Variants in OR5M11 observed in about 807,000 individuals in gnomAD.
OR5M11 encodes the protein olfactory receptor 5M11.
For missense variants in OR5M11, 411 were observed against 375.8 expected (o/e 1.09, Z -0.77); for synonymous variants, 183 against 147.7 (o/e 1.24, Z -1.73).
In OR5M11 at chr11:56,542,728, T is replaced by C; in HGVS notation, c.530A>G (p.Tyr177Cys). 1 of 1,613,624 alleles carries C rather than the reference T, an allele frequency of 6.2e-7. No individual in the cohort carries two copies. Among genetic ancestry groups the C allele is most frequent in the Non-Finnish European group, 8.5e-7 (1 of 1,179,812 alleles). Residue 177 changes from tyrosine (Y) to cysteine (C), a missense_variant, in exon 1 of 1, where the codon TAC becomes TGC. Physicochemically the swap from Tyr to Cys is radical, Grantham distance 194. Coordinates refer to ENST00000528616, the MANE Select transcript of OR5M11 (RefSeq NM_001005245.1). ...FCRSSVINHF[Y>C]CADPPLIKLS... ...CTTAATGAGCGGCGGGTCAGCACAG[T>C]AGAAGTGGTTGATGACACTGGATCT...
rs1223639135 is a variant in OR5M11 at position 56,542,627 on chromosome 11, T to C, written c.631A>G (p.Thr211Ala). 6.2e-7 allele frequency: 1 copy of C among 1,613,598 alleles called. No individual in the cohort carries two copies. Among genetic ancestry groups the C allele is most frequent in the Admixed American group, 1.7e-5 (1 of 59,956 alleles). ...SAGFNLSSSL[T>A]IVLVSYAFIL... ...AAGGCATAGGACACCAAGACGATGG[T>C]GAGGGAGCTGGAGAGGTTGAAGCCA... The change falls in exon 1 of 1, where the codon ACC becomes GCC. Residue 211 changes from threonine to alanine, a missense_variant. Thr to Ala is a moderately conservative substitution (Grantham distance 58, BLOSUM62 0). Coordinates refer to ENST00000528616, the MANE Select transcript of OR5M11 (RefSeq NM_001005245.1).
Position 56,542,634 on chromosome 11 carries a change from G to A in OR5M11, c.624C>T (p.Ser208=), listed in dbSNP as rs777130621. The A allele has an allele frequency of 1.4e-5, 22 of 1,613,870 alleles. No individual in the cohort carries two copies. Among genetic ancestry groups the A allele is most frequent in the South Asian group, 3.3e-5 (3 of 91,086 alleles). The part of the protein sequence containing the change: ...MFISAGFNLS[S]SLTIVLVSYA... ...AGGACACCAAGACGATGGTGAGGGA[G>A]CTGGAGAGGTTGAAGCCAGCAGATA... Residue 208 remains serine (S), a synonymous_variant, in exon 1 of 1, where the codon AGC becomes AGT. Coordinates refer to ENST00000528616, the MANE Select transcript of OR5M11 (RefSeq NM_001005245.1).
chr11:56,542,626 G>T lies in OR5M11; in HGVS notation c.632C>A (p.Thr211Asn), dbSNP rs765548883. The change falls in exon 1 of 1, where the codon ACC (threonine) becomes AAC (asparagine). Residue 211 changes from threonine to asparagine, a missense_variant. Physicochemically the swap from Thr to Asn is moderately conservative, Grantham distance 65. Transcript: ENST00000528616. Reference sequence around the variant, plus strand: ...GAAGGCATAGGACACCAAGACGATGGTGAGGGAGCTGGAGAGGTTGAAGCC... The same window carrying T: ...GAAGGCATAGGACACCAAGACGATGTTGAGGGAGCTGGAGAGGTTGAAGCC... ...SAGFNLSSSL[T>N]IVLVSYAFIL... 1.9e-6 allele frequency: 3 copies of T among 1,613,908 alleles called. No homozygotes were observed. Among genetic ancestry groups the T allele is most frequent in the Non-Finnish European group, 2.5e-6 (3 of 1,179,904 alleles).
In OR5M11 at chr11:56,542,671, T is replaced by C. The variant is rs1349966977; in HGVS notation, c.587A>G (p.His196Arg). The C allele has an allele frequency of 1.2e-6, 2 of 1,613,800 alleles. No individual in the cohort carries two copies. Among genetic ancestry groups the C allele is most frequent in the African/African-American group, 2.7e-5 (2 of 74,896 alleles). The change falls in exon 1 of 1, where the codon CAT becomes CGT. Residue 196 changes from histidine to arginine, a missense_variant. By Grantham distance (29) the His-to-Arg change is conservative. Coordinates refer to ENST00000528616, the MANE Select transcript of OR5M11 (RefSeq NM_001005245.1). ...GAAGCCAGCAGATATGAACATGGCA[T>C]GCTCTTTGACATAAGTATCAGAACA... Reference protein sequence around the residue: ...LSCSDTYVKEHAMFISAGFNL... With the variant: ...LSCSDTYVKERAMFISAGFNL...
In OR5M11 at chr11:56,542,691, A is replaced by T. The variant is rs1269427630; in HGVS notation, c.567T>A (p.Ser189=). 1 of 1,613,972 alleles carries T rather than the reference A, an allele frequency of 6.2e-7. No individual in the cohort carries two copies. The highest frequency in any genetic ancestry group is 8.5e-7 in the Non-Finnish European group (1 of 1,179,872). ...TGGCATGCTCTTTGACATAAGTATC[A>T]GAACAAGAAAGCTTAATGAGCGGCG... is the stretch of plus-strand genomic sequence containing the variant. ...ADPPLIKLSC[S]DTYVKEHAMF... is the part of the protein sequence containing the mutation. The change falls in exon 1 of 1, where the codon TCT becomes TCA. Residue 189 remains serine, a synonymous_variant. Coordinates refer to ENST00000528616, the MANE Select transcript of OR5M11 (RefSeq NM_001005245.1).
rs760247316 is a variant in OR5M11, at chr11:56,542,409, T to C, written c.849A>G (p.Val283=). The C allele has an allele frequency of 6.2e-7, 1 of 1,613,506 alleles. No individual in the cohort carries two copies. Among genetic ancestry groups the C allele is most frequent in the South Asian group, 1.1e-5 (1 of 91,040 alleles). The change falls in exon 1 of 1, where the codon GTA becomes GTG. Residue 283 remains valine, a synonymous_variant. Transcript: ENST00000528616. Reference sequence around the variant, plus strand: ...TCAGACTGTAGATCAATGGATTAAGTACCGGACTCACAAAGGTGTAAAAGA... The same window carrying C: ...TCAGACTGTAGATCAATGGATTAAGCACCGGACTCACAAAGGTGTAAAAGA... ...IAVFYTFVSP[V]LNPLIYSLRN... is the part of the protein sequence containing the mutation.
chr11:56,542,491 C>G lies in OR5M11; in HGVS notation c.767G>C (p.Cys256Ser). Residue 256 changes from cysteine to serine, a missense_variant, in exon 1 of 1, where the codon TGC (cysteine) becomes TCC (serine). Cys to Ser is a moderately radical substitution (Grantham distance 112). Transcript: ENST00000528616. The part of the protein sequence containing the change: ...AVTLFYGTLF[C>S]MYIRPPTDKT... Reference sequence around the variant, plus strand: ...ATCTGTTGGTGGTCTTATATACATGCAAAAGAGAGTCCCATAAAACAGGGT... The same window carrying G: ...ATCTGTTGGTGGTCTTATATACATGGAAAAGAGAGTCCCATAAAACAGGGT... The G allele has an allele frequency of 1.9e-6, 3 of 1,613,884 alleles. No homozygotes were observed. The highest frequency in any genetic ancestry group is 2.5e-6 in the Non-Finnish European group (3 of 1,179,876).
Position 56,542,527 on chromosome 11 carries a change from A to G in OR5M11, c.731T>C (p.Met244Thr), listed in dbSNP as rs1361177297. 6.2e-7 allele frequency: 1 copy of G among 1,614,028 alleles called. No homozygotes were observed. The highest frequency in any genetic ancestry group is 1.3e-5 in the African/African-American group (1 of 75,056). The change falls in exon 1 of 1, where the codon ATG (methionine) becomes ACG (threonine). Residue 244 changes from methionine (M) to threonine (T), a missense_variant. Coordinates refer to ENST00000528616, the MANE Select transcript of OR5M11 (RefSeq NM_001005245.1). ...HKAFSTCGSH[M>T]MAVTLFYGTL... ...CCCATAAAACAGGGTGACAGCCATC[A>G]TATGGGAACCACAGGTGGAGAATGC...
At position 56,542,520 on chromosome 11, in the gene OR5M11, A is replaced by T; in HGVS notation, c.738T>A (p.Ala246=). The change falls in exon 1 of 1, where the codon GCT becomes GCA. Residue 246 remains alanine, a synonymous_variant. Coordinates refer to ENST00000528616, the MANE Select transcript of OR5M11 (RefSeq NM_001005245.1). ...AGAGAGTCCCATAAAACAGGGTGAC[A>T]GCCATCATATGGGAACCACAGGTGG... ...AFSTCGSHMM[A]VTLFYGTLFC... The T allele has an allele frequency of 6.2e-7, 1 of 1,614,004 alleles. No homozygotes were observed. The highest frequency in any genetic ancestry group is 8.5e-7 in the Non-Finnish European group (1 of 1,179,870).
In OR5M11 at chr11:56,542,893, T is replaced by A; in HGVS notation, c.365A>T (p.Tyr122Phe). 2 of 1,613,888 alleles carry A rather than the reference T, an allele frequency of 1.2e-6. No homozygotes were observed. Among genetic ancestry groups the A allele is most frequent in the Non-Finnish European group, 1.7e-6 (2 of 1,179,876 alleles). Residue 122 changes from tyrosine (Y) to phenylalanine (F), a missense_variant, in exon 1 of 1, where the codon TAT becomes TTT. By Grantham distance (22) the Tyr-to-Phe change is conservative. Transcript: ENST00000528616. Reference protein sequence around the residue: ...YMLAAMAYDRYVAIYDPLRYS... With the variant: ...YMLAAMAYDRFVAIYDPLRYS... ...GCGCAGAGGGTCATATATGGCCACA[T>A]AGCGGTCATAGGCCATTGCTGCCAG...
rs563195002 is a variant in OR5M11, at chr11:56,542,594, C to A, written c.664G>T (p.Ala222Ser). ...GCTGATTTGATCCGGAGGATGGCAG[C>A]AAGAATGAAGGCATAGGACACCAAG... Reference protein sequence around the residue: ...IVLVSYAFILAAILRIKSAEG... With the variant: ...IVLVSYAFILSAILRIKSAEG... Residue 222 changes from alanine (A) to serine (S), a missense_variant, in exon 1 of 1, where the codon GCT (alanine) becomes TCT (serine). Ala to Ser is a moderately conservative substitution (Grantham distance 99). Transcript: ENST00000528616. The A allele has an allele frequency of 6.2e-7, 1 of 1,613,932 alleles. No individual in the cohort carries two copies. The highest frequency in any genetic ancestry group is 1.3e-5 in the African/African-American group (1 of 75,010).
In OR5M11 at chr11:56,542,646, G is replaced by T; in HGVS notation, c.612C>A (p.Phe204Leu). The T allele has an allele frequency of 1.2e-6, 2 of 1,613,954 alleles. No individual in the cohort carries two copies. The highest frequency in any genetic ancestry group is 1.7e-5 in the Admixed American group (1 of 60,008). ...KEHAMFISAG[F>L]NLSSSLTIVL... is the part of the protein sequence containing the mutation. ...CGATGGTGAGGGAGCTGGAGAGGTTGAAGCCAGCAGATATGAACATGGCAT... is the reference window on the plus strand; with the variant it reads ...CGATGGTGAGGGAGCTGGAGAGGTTTAAGCCAGCAGATATGAACATGGCAT... Residue 204 changes from phenylalanine to leucine, a missense_variant, in exon 1 of 1, where the codon TTC becomes TTA. Coordinates refer to ENST00000528616, the MANE Select transcript of OR5M11 (RefSeq NM_001005245.1).
rs780554641 is a variant in OR5M11 at position 56,543,120 on chromosome 11, T to A, written c.138A>T (p.Ile46=). Residue 46 remains isoleucine, a synonymous_variant, in exon 1 of 1, where the codon ATA becomes ATT. Coordinates refer to ENST00000528616, the MANE Select transcript of OR5M11 (RefSeq NM_001005245.1). ...LVTLLGNLGM[I]MLMRLDSRLH... is the part of the protein sequence containing the mutation. ...GGCGAGAGTCCAGTCTCATTAACAT[T>A]ATCATGCCCAGGTTGCCTAGCAGGG... is the stretch of plus-strand genomic sequence containing the variant. 6.2e-6 allele frequency: 10 copies of A among 1,613,944 alleles called. No homozygotes were observed. The highest frequency in any genetic ancestry group is 8.5e-6 in the Non-Finnish European group (10 of 1,179,918).
At position 56,542,893 on chromosome 11, in the gene OR5M11, T is replaced by C; in HGVS notation, c.365A>G (p.Tyr122Cys). The C allele has an allele frequency of 6.2e-7, 1 of 1,613,888 alleles. No individual in the cohort carries two copies. The highest frequency in any genetic ancestry group is 8.5e-7 in the Non-Finnish European group (1 of 1,179,876). ...GCGCAGAGGGTCATATATGGCCACATAGCGGTCATAGGCCATTGCTGCCAG... is the reference window on the plus strand; with the variant it reads ...GCGCAGAGGGTCATATATGGCCACACAGCGGTCATAGGCCATTGCTGCCAG... Reference protein sequence around the residue: ...YMLAAMAYDRYVAIYDPLRYS... With the variant: ...YMLAAMAYDRCVAIYDPLRYS... The change falls in exon 1 of 1, where the codon TAT becomes TGT. Residue 122 changes from tyrosine (Y) to cysteine (C), a missense_variant. By Grantham distance (194) the Tyr-to-Cys change is radical (BLOSUM62 -2). Transcript: ENST00000528616.
At position 56,542,917 on chromosome 11, in the gene OR5M11, A is replaced by G; in HGVS notation, c.341T>C (p.Leu114Pro). 1 of 1,614,106 alleles carries G rather than the reference A, an allele frequency of 6.2e-7. No individual in the cohort carries two copies. Among genetic ancestry groups the G allele is most frequent in the Non-Finnish European group, 8.5e-7 (1 of 1,180,000 alleles). The part of the protein sequence containing the change: ...IALLLTEFYM[L>P]AAMAYDRYVA... ...ATAGCGGTCATAGGCCATTGCTGCCAGCATGTAAAACTCAGTGAGTAGAAG... is the reference window on the plus strand; with the variant it reads ...ATAGCGGTCATAGGCCATTGCTGCCGGCATGTAAAACTCAGTGAGTAGAAG... Residue 114 changes from leucine to proline, a missense_variant, in exon 1 of 1, where the codon CTG (leucine) becomes CCG (proline). Physicochemically the swap from Leu to Pro is moderately conservative, Grantham distance 98 (BLOSUM62 -3). Coordinates refer to ENST00000528616, the MANE Select transcript of OR5M11 (RefSeq NM_001005245.1).
rs1248199013 is a variant in OR5M11 at position 56,542,408 on chromosome 11, G to A, written c.850C>T (p.Leu284Phe). Residue 284 changes from leucine (L) to phenylalanine (F), a missense_variant, in exon 1 of 1, where the codon CTT becomes TTT. Physicochemically the swap from Leu to Phe is conservative, Grantham distance 22. Coordinates refer to ENST00000528616, the MANE Select transcript of OR5M11 (RefSeq NM_001005245.1). The part of the protein sequence containing the change: ...AVFYTFVSPV[L>F]NPLIYSLRNK... Reference sequence around the variant, plus strand: ...CTCAGACTGTAGATCAATGGATTAAGTACCGGACTCACAAAGGTGTAAAAG... The same window carrying A: ...CTCAGACTGTAGATCAATGGATTAAATACCGGACTCACAAAGGTGTAAAAG... 6.2e-7 allele frequency: 1 copy of A among 1,613,354 alleles called. No homozygotes were observed. The highest frequency in any genetic ancestry group is 1.7e-5 in the Admixed American group (1 of 59,976).
rs372489507 is a variant in OR5M11 at position 56,542,854 on chromosome 11, G to T, written c.404C>A (p.Thr135Lys). The T allele has an allele frequency of 1.2e-6, 2 of 1,613,856 alleles. No homozygotes were observed. The highest frequency in any genetic ancestry group is 1.7e-6 in the Non-Finnish European group (2 of 1,179,996). ...CAAGCAGATGCAAACTCTCCTGGAC[G>T]TTTTCACACTGTAGCGCAGAGGGTC... ...IYDPLRYSVK[T>K]SRRVCICLAT... The change falls in exon 1 of 1, where the codon ACG becomes AAG. Residue 135 changes from threonine to lysine, a missense_variant. Coordinates refer to ENST00000528616, the MANE Select transcript of OR5M11 (RefSeq NM_001005245.1).
rs1565163776 is a variant in OR5M11 at position 56,543,060 on chromosome 11, TAA to T, written c.196_197del (p.Leu66SerfsTer18). ...ATGTATAGCACAAATCCACAAAGGC[TAA>T]GTTAGTGAGGAAGAAGTACATGGGC... ...HTPMYFFLTN[L>X]AFVDLCYTSN... On this transcript the variant is annotated frameshift_variant, in exon 1 of 1. Transcript: ENST00000528616. LOFTEE classifies it low-confidence loss of function (END_TRUNC). The T allele has an allele frequency of 3.7e-6, 6 of 1,614,000 alleles. No homozygotes were observed. In the African/African-American group the frequency reaches 4.0e-5, roughly 11 times the overall value.
chr11:56,543,211 C>T lies in OR5M11; in HGVS notation c.47G>A (p.Gly16Glu). 6.2e-7 allele frequency: 1 copy of T among 1,613,736 alleles called. No individual in the cohort carries two copies. Among genetic ancestry groups the T allele is most frequent in the Non-Finnish European group, 8.5e-7 (1 of 1,179,804 alleles). ...CTGGAGTTCCGGGCAATCTGTGAGC[C>T]CAAGTAAAATGAATTCTGTGATTGC... ...GSAITEFILLGLTDCPELQSL... is the reference protein window; with the variant it reads ...GSAITEFILLELTDCPELQSL... Residue 16 changes from glycine (G) to glutamate (E), a missense_variant, in exon 1 of 1, where the codon GGG (glycine) becomes GAG (glutamate). Transcript: ENST00000528616.
Sources: allele counts gnomAD v4.1 joint callset, GRCh38; gene constraint gnomAD v4.1.1; transcripts MANE v1.5; gene names NCBI Gene and HGNC (gene_info 2026-07-23, HGNC 2026-07-21).